SLC23A2: variants seen among roughly 807,000 people sequenced by gnomAD.
The protein encoded by SLC23A2 is solute carrier family 23 member 2.
In SLC23A2, 36 loss-of-function variants were observed where a neutral mutation model predicts 73.3. The ratio of observed to expected loss-of-function variants is 0.49; its 90% CI spans 0.38 to 0.65. The LOEUF (loss-of-function observed/expected upper bound fraction) is 0.65, where lower values mean the gene tolerates loss of function less well. Among genes scored for constraint, SLC23A2 ranks in the 30% least tolerant of loss-of-function variants. The pLI is 0.00. For missense variants in SLC23A2, 507 were observed against 841.6 expected (o/e 0.60, Z 4.92); for synonymous variants, 343 against 327.3 (o/e 1.05, Z -0.52).
At chr20:4,909,965 C>T (rs868803691) in intron 4 of SLC23A2, among the ~76,000 whole-genome samples, 60 of 152,186 alleles carry the variant, frequency 3.9e-4, no homozygotes, top group Non-Finnish European at 1.9e-4. Context: ...TTTGAAACAA[C>T]GGGCAGCAAA....
chr20:4,929,373 G>A (rs1270427870), intron 3 of SLC23A2, among the ~76,000 whole-genome samples: 1 of 152,214 alleles, frequency 6.6e-6, no homozygotes, highest in Non-Finnish European at 1.5e-5. Flanking sequence ...GGCAGCCTCG[G>A]CTCCAGCAGG....
At chr20:4,870,661 A>C (rs889073112) in intron 11 of SLC23A2, among the ~76,000 whole-genome samples, 1 of 152,138 alleles carries the variant, frequency 6.6e-6, no homozygotes, top group Non-Finnish European at 1.5e-5. Flanking sequence ...AGCCACACTC[A>C]GTATCCACTA....
chr20:4,928,894 A>G (rs1298050290), intron 3 of SLC23A2, among the ~76,000 whole-genome samples: 1 of 152,192 alleles, frequency 6.6e-6, no homozygotes, highest in Non-Finnish European at 1.5e-5. Flanking sequence ...AAAAAATGTA[A>G]CAGGGATAGA....
chr20:5,006,700 C>T (rs2122403708), intron 1 of SLC23A2, among the ~76,000 whole-genome samples: 1 of 151,984 alleles, frequency 6.6e-6, no homozygotes, highest in African/African-American at 2.4e-5. Flanking sequence ...GCCACCACCC[C>T]CCACTAATTT....
intron 3 of SLC23A2, 55 bp from the exon 4 acceptor site, chr20:4,913,033 C>T (rs111438205): frequency 1.7e-6 from 2 of 1,165,056 alleles, no homozygotes; most frequent in Non-Finnish European, 2.6e-6. Context: ...TTTTCCTCCC[C>T]CCGAAAGCCA....
intron 1 of SLC23A2, among the ~76,000 whole-genome samples, chr20:4,988,811 C>G (rs1286761720): frequency 6.6e-6 from 1 of 151,450 alleles, no homozygotes; most frequent in Non-Finnish European, 1.5e-5. Flanking sequence ...ACTAGGGAGG[C>G]TGAGACAGGA....
At chr20:4,951,391 GA>G (rs1361765579) in intron 2 of SLC23A2, among the ~76,000 whole-genome samples, 1 of 152,134 alleles carries the variant, frequency 6.6e-6, no homozygotes, top group African/African-American at 2.4e-5. Flanking sequence ...ACAGACCTGA[GA>G]AACTCTGAGA....
At chr20:4,999,607 G>T (rs1265315697) in intron 1 of SLC23A2, among the ~76,000 whole-genome samples, 2 of 150,982 alleles carry the variant, frequency 1.3e-5, no homozygotes, top group Non-Finnish European at 2.9e-5. Flanking sequence ...TGCCTAGGCT[G>T]GTCTTGAACT....
intron 3 of SLC23A2, among the ~76,000 whole-genome samples, chr20:4,930,788 C>T (rs1932780356): frequency 6.6e-6 from 1 of 151,716 alleles, no homozygotes; most frequent in South Asian, 2.1e-4. Flanking sequence ...CACTGCACTC[C>T]AGCATGGGTG....
chr20:4,929,060 T>C (rs1444558264), intron 3 of SLC23A2, among the ~76,000 whole-genome samples: 1 of 152,102 alleles, frequency 6.6e-6, no homozygotes, highest in African/African-American at 2.4e-5. Flanking sequence ...CAGACTAGCC[T>C]GGCAACATGC....
At chr20:4,869,533 T>C (rs1352048842) in intron 12 of SLC23A2, 1 of 157,948 alleles carries the variant, frequency 6.3e-6, no homozygotes, top group Non-Finnish European at 1.3e-5. Context: ...CTATCTAATC[T>C]CCAAATGACA....
intron 6 of SLC23A2, among the ~76,000 whole-genome samples, chr20:4,898,049 C>T (rs902367926): frequency 3.9e-5 from 6 of 152,218 alleles, no homozygotes; most frequent in African/African-American, 1.4e-4. Flanking sequence ...AGCACAGAGC[C>T]CTGAACACTG....
At chr20:4,920,369 G>A (rs1210447364) in intron 3 of SLC23A2, among the ~76,000 whole-genome samples, 5 of 152,206 alleles carry the variant, frequency 3.3e-5, no homozygotes, top group Non-Finnish European at 5.9e-5. Flanking sequence ...CATTGCTGAC[G>A]AAATTCCTCA....
At chr20:4,877,799 A>C (rs1358090015) in intron 9 of SLC23A2, among the ~76,000 whole-genome samples, 1 of 152,202 alleles carries the variant, frequency 6.6e-6, no homozygotes, top group Non-Finnish European at 1.5e-5. Context: ...TTCCATAAGA[A>C]AAGTCAATAA....
chr20:4,985,845 G>A (rs1028526540), intron 1 of SLC23A2, among the ~76,000 whole-genome samples: 46 of 152,186 alleles, frequency 3.0e-4, no homozygotes, highest in African/African-American at 1.1e-3. Context: ...GTGAAAAGGG[G>A]AGAAGGGAGA....
chr20:4,955,828 C>T (rs546735640), intron 2 of SLC23A2, among the ~76,000 whole-genome samples: 1 of 151,528 alleles, frequency 6.6e-6, no homozygotes, highest in South Asian at 2.1e-4. Context: ...TGTATATATA[C>T]ATGTGCGATT....
intron 3 of SLC23A2, among the ~76,000 whole-genome samples, chr20:4,922,236 G>A (rs1434802661): frequency 1.3e-5 from 2 of 152,178 alleles, no homozygotes; most frequent in East Asian, 1.9e-4. Context: ...AAGTAGTCCT[G>A]GAAGTGCAAA....
At chr20:4,976,743 G>C (rs978606016) in intron 1 of SLC23A2, among the ~76,000 whole-genome samples, 4 of 152,072 alleles carry the variant, frequency 2.6e-5, no homozygotes, top group Non-Finnish European at 5.9e-5. Flanking sequence ...GGGAGGCTGA[G>C]GCAGCAGATC....
intron 3 of SLC23A2, among the ~76,000 whole-genome samples, chr20:4,929,003 A>C (rs1166058779): frequency 6.6e-6 from 1 of 152,204 alleles, no homozygotes; most frequent in East Asian, 1.9e-4. Flanking sequence ...TGTAATCCCA[A>C]CACTTTGGGA....
Sources: gnomAD v4.1 joint callset for allele counts (sites outside exome capture counted in the v4.1 genomes callset) on GRCh38, gnomAD v4.1.1 for gene constraint, MANE v1.5 for transcripts, NCBI Gene and HGNC (gene_info 2026-07-23, HGNC 2026-07-21) for gene names.